Variants in DYNC1H1 observed in about 807,000 individuals in gnomAD.
DYNC1H1 encodes the protein cytoplasmic dynein 1 heavy chain 1.
A neutral mutation model predicts 527.1 loss-of-function variants in DYNC1H1; 51 were observed. The observed-to-expected ratio is 0.10, with a 90% CI of 0.08 to 0.12. The LOEUF is 0.12. Ranked by LOEUF, DYNC1H1 falls within the 10% of genes least tolerant of loss-of-function variation. The pLI, the probability that DYNC1H1 is intolerant of heterozygous loss-of-function variation, is 1.00. For synonymous variants in DYNC1H1, 2,189 were observed against 2,278.8 expected (o/e 0.96, Z 1.12); for missense variants, 2,771 against 5,971.8 (o/e 0.46, Z 17.66).
In DYNC1H1 at chr14:101,979,108, A is replaced by G. The variant is rs191775187; in HGVS notation, c.345-211A>G. 1.3e-5 allele frequency among the ~76,000 whole-genome samples: 2 copies of G among 152,216 alleles called. No individual in the cohort carries two copies. Among genetic ancestry groups the G allele is most frequent in the African/African-American group, 4.8e-5 (2 of 41,452 alleles). ...CCAATATTACGAATTCAACCCATGT[A>G]TGAGACAAGTTAACTTTGCCTGGTT... On this transcript the variant is annotated intron_variant, in intron 2 of 77. Coordinates refer to ENST00000360184, the MANE Select transcript of DYNC1H1 (RefSeq NM_001376.5). The surrounding 1 kb of genome is among the most constrained non-coding windows in gnomAD (Gnocchi z 4.6).
In DYNC1H1 at chr14:102,050,288, C is replaced by T. The variant is rs535209176; in HGVS notation, c.13812+90C>T. 36 of 1,611,736 alleles carry T rather than the reference C, an allele frequency of 2.2e-5. No homozygotes were observed. The South Asian group carries it at 3.6e-4, about 16-fold the overall frequency. ...GCTCCTCTTCTATGCCTGGGTTCCACTTGGAACGGGAAATGAGGTTCACAG... is the reference window on the plus strand; with the variant it reads ...GCTCCTCTTCTATGCCTGGGTTCCATTTGGAACGGGAAATGAGGTTCACAG... On this transcript the variant is annotated intron_variant, in intron 77 of 77. Coordinates refer to ENST00000360184, the MANE Select transcript of DYNC1H1 (RefSeq NM_001376.5).
chr14:102,039,830 C>G lies in DYNC1H1; in HGVS notation c.11690+98C>G. ...GCTTTTATTATTTCTTTTATTTTCT[C>G]TTTTATTTTCTTTATTTTATTTTTT... On this transcript the variant is annotated intron_variant, in intron 62 of 77. Coordinates refer to ENST00000360184, the MANE Select transcript of DYNC1H1 (RefSeq NM_001376.5). The surrounding 1 kb of genome is among the most constrained non-coding windows in gnomAD (Gnocchi z 7.0). The G allele has an allele frequency of 7.2e-7, 1 of 1,383,854 alleles. No individual in the cohort carries two copies. Among genetic ancestry groups the G allele is most frequent in the South Asian group, 1.3e-5 (1 of 79,988 alleles). The allele number at this position is 1,383,854 out of a possible 1,614,324, so 85.7% of individuals were successfully genotyped here. A position where few individuals can be genotyped will look rare whatever the true frequency, so the allele number is the denominator to read the frequency against.
rs1344837409 is a variant in DYNC1H1 at position 102,020,924 on chromosome 14, A to C, written c.8507+868A>C. On this transcript the variant is annotated intron_variant, in intron 42 of 77. Transcript: ENST00000360184. The surrounding 1 kb of genome is among the most constrained non-coding windows in gnomAD (Gnocchi z 4.3). Reference sequence around the variant, plus strand: ...GGCATTCTTGGGCAACACCGGGTACATTACTGACAGCCACTGTAAGAGATG... The same window carrying C: ...GGCATTCTTGGGCAACACCGGGTACCTTACTGACAGCCACTGTAAGAGATG... Among the ~76,000 whole-genome samples, 3 of 152,196 alleles carry C rather than the reference A, an allele frequency of 2.0e-5. No homozygotes were observed. Among genetic ancestry groups the C allele is most frequent in the Non-Finnish European group, 4.4e-5 (3 of 68,048 alleles).
Position 101,985,676 on chromosome 14 carries a change from T to C in DYNC1H1, c.1462-11T>C, listed in dbSNP as rs537652677. 3 of 1,614,044 alleles carry C rather than the reference T, an allele frequency of 1.9e-6. No individual in the cohort carries two copies. In the African/African-American group the frequency reaches 4.0e-5, roughly 22 times the overall value. On this transcript the variant is annotated splice_polypyrimidine_tract_variant and intron_variant, in intron 7 of 77. Transcript: ENST00000360184. This position sits in a 1 kb window ranked among gnomAD's most constrained non-coding sequence, Gnocchi z 5.9. The stretch of plus-strand genomic sequence containing the variant: ...GTCAGCATTTCTTGATTACATATCT[T>C]TCTCCTTTAGGTCACGGCAGTTGCA...
In DYNC1H1 at chr14:102,043,967, A is replaced by G. The variant is rs745717505; in HGVS notation, c.12606A>G (p.Ser4202=). 6.8e-6 allele frequency: 11 copies of G among 1,614,118 alleles called. No homozygotes were observed. The highest frequency in any genetic ancestry group is 1.6e-4 in the Middle Eastern group (1 of 6,082). ...ERLRYAPLGW[S]KKYEFGESDL... ...TACGATACGCACCACTGGGGTGGTC[A>G]AAGAAGTATGAATTTGGAGAGTCTG... is the stretch of plus-strand genomic sequence containing the variant. Residue 4202 remains serine, a synonymous_variant, in exon 70 of 78, where the codon TCA becomes TCG. Transcript: ENST00000360184.
At chr14:101,977,091 A>G (rs2047809616) in intron 2 of DYNC1H1, among the ~76,000 whole-genome samples, 1 of 152,178 alleles carries the variant, frequency 6.6e-6, no homozygotes, top group Non-Finnish European at 1.5e-5. Context: ...CTGATTTTTC[A>G]TTATTACAGA....
rs768250649 is a variant in DYNC1H1, at chr14:102,047,823, A to G, written c.13013A>G (p.Asp4338Gly). The G allele has an allele frequency of 1.2e-6, 2 of 1,612,768 alleles. No individual in the cohort carries two copies. Among genetic ancestry groups the G allele is most frequent in the Non-Finnish European group, 1.7e-6 (2 of 1,179,944 alleles). Residue 4338 changes from aspartate (D) to glycine (G), a missense_variant, in exon 73 of 78, where the codon GAC becomes GGC. Physicochemically the swap from Asp to Gly is moderately conservative, Grantham distance 94. This residue lies in a region of DYNC1H1 where 170 missense variants were observed against 249.8 expected (regional missense o/e 0.68). Transcript: ENST00000360184. ...ERVLLTTQGV[D>G]MISKMLKMQM... ...CTGTGGGACTGTGGCCCAGGTGTGG[A>G]CATGATCAGTAAAATGCTGAAGATG...
At position 101,987,598 on chromosome 14, in the gene DYNC1H1, A is replaced by G. The variant is rs1316843849; in HGVS notation, c.2684A>G (p.Asn895Ser). The G allele has an allele frequency of 4.3e-6, 7 of 1,614,138 alleles. No homozygotes were observed. Among genetic ancestry groups the G allele is most frequent in the Non-Finnish European group, 4.2e-6 (5 of 1,180,032 alleles). The change falls in exon 9 of 78, where the codon AAT (asparagine) becomes AGT (serine). Residue 895 changes from asparagine (N) to serine (S), a missense_variant. Asn to Ser is a conservative substitution (Grantham distance 46). This residue lies in a region of DYNC1H1 where 179 missense variants were observed against 349.4 expected (regional missense o/e 0.51). Transcript: ENST00000360184. ...VDDLNLHSYS[N>S]LPIWVNKLDM... ...GACTTAAATCTGCACTCCTATTCCAATTTGCCCATCTGGGTCAACAAGCTT... is the reference window on the plus strand; with the variant it reads ...GACTTAAATCTGCACTCCTATTCCAGTTTGCCCATCTGGGTCAACAAGCTT...
At chr14:102,025,565 GAA>G (rs3067914) in intron 43 of DYNC1H1, among the ~76,000 whole-genome samples, 1,307 of 102,328 alleles carry the variant, frequency 0.013, 17 homozygotes, top group East Asian at 0.049. Context: ...CTGTCTCAAG[GAA>G]AAAAAAAAAA....
At chr14:102,043,741 T>C in intron 69 of DYNC1H1, 134 bp from the exon 70 acceptor site, 1 of 1,197,910 alleles carries the variant, frequency 8.3e-7, no homozygotes, top group Non-Finnish European at 1.2e-6. Context: ...CTAGCAGCAG[T>C]ACTCATGTGA....
At chr14:102,046,800 T>G (rs1161257496) in intron 72 of DYNC1H1, among the ~76,000 whole-genome samples, 2 of 148,522 alleles carry the variant, frequency 1.3e-5, no homozygotes, top group Non-Finnish European at 3.0e-5. Context: ...CTGGTTCCGT[T>G]TTTTTTTTTT....
Position 102,001,315 on chromosome 14 carries a change from G to A in DYNC1H1, c.4356G>A (p.Val1452=). The A allele has an allele frequency of 6.2e-7, 1 of 1,614,208 alleles. No individual in the cohort carries two copies. The highest frequency in any genetic ancestry group is 8.5e-7 in the Non-Finnish European group (1 of 1,180,050). Residue 1452 remains valine (V), a synonymous_variant, in exon 20 of 78, where the codon GTG becomes GTA. Coordinates refer to ENST00000360184, the MANE Select transcript of DYNC1H1 (RefSeq NM_001376.5). This position sits in a 1 kb window ranked among gnomAD's most constrained non-coding sequence, Gnocchi z 5.0. ...CGATTGTCAAGGATGTACTGCTTGT[G>A]GCACAAGGGGAGATGGCTTTGGAAG... The part of the protein sequence containing the change: ...NEAIVKDVLL[V]AQGEMALEEF...
At position 102,041,120 on chromosome 14, in the gene DYNC1H1, G is replaced by A; in HGVS notation, c.11941+447G>A. ...TTAAAGACCACAAGAGAACTAGATGGGGAACTCCTGCCTAATGCTAAGGAG... is the reference window on the plus strand; with the variant it reads ...TTAAAGACCACAAGAGAACTAGATGAGGAACTCCTGCCTAATGCTAAGGAG... On this transcript the variant is annotated intron_variant, in intron 64 of 77. Transcript: ENST00000360184. This position sits in a 1 kb window ranked among gnomAD's most constrained non-coding sequence, Gnocchi z 4.5. 1 of 344,812 alleles carries A rather than the reference G, an allele frequency of 2.9e-6. No homozygotes were observed. The highest frequency in any genetic ancestry group is 5.6e-6 in the Non-Finnish European group (1 of 179,444). The allele number at this position is 344,812 out of a possible 1,614,324, so 21.4% of individuals were successfully genotyped here.
rs749148827 is a variant in DYNC1H1 at position 102,044,083 on chromosome 14, T to A, written c.12684+38T>A. 6.2e-7 allele frequency: 1 copy of A among 1,610,938 alleles called. No homozygotes were observed. The highest frequency in any genetic ancestry group is 8.5e-7 in the Non-Finnish European group (1 of 1,179,746). Reference sequence around the variant, plus strand: ...CATGCCAGGACAGACAGTGGACGTGTATCTGGGAAGGATGCTGCAGGGCGT... The same window carrying A: ...CATGCCAGGACAGACAGTGGACGTGAATCTGGGAAGGATGCTGCAGGGCGT... On this transcript the variant is annotated intron_variant, in intron 70 of 77. Coordinates refer to ENST00000360184, the MANE Select transcript of DYNC1H1 (RefSeq NM_001376.5). The surrounding 1 kb of genome is among the most constrained non-coding windows in gnomAD (Gnocchi z 7.1).
chr14:102,015,789 G>C lies in DYNC1H1; in HGVS notation c.7243-67G>C, dbSNP rs1333054959. ...GTCGTATGACCTTCTCCTGGGACCAGGTTAGAATCGATGAAACTCGCCTGC... is the reference window on the plus strand; with the variant it reads ...GTCGTATGACCTTCTCCTGGGACCACGTTAGAATCGATGAAACTCGCCTGC... On this transcript the variant is annotated intron_variant, in intron 35 of 77. Transcript: ENST00000360184. The surrounding 1 kb of genome is among the most constrained non-coding windows in gnomAD (Gnocchi z 6.9). The C allele has an allele frequency of 3.2e-6, 5 of 1,558,508 alleles. No individual in the cohort carries two copies. The highest frequency in any genetic ancestry group is 4.4e-6 in the Non-Finnish European group (5 of 1,140,216).
In DYNC1H1 at chr14:101,965,727, C is replaced by T. The variant is rs2047659899; in HGVS notation, c.256+780C>T. Among the ~76,000 whole-genome samples, 1 of 151,564 alleles carries T rather than the reference C, an allele frequency of 6.6e-6. No individual in the cohort carries two copies. Among genetic ancestry groups the T allele is most frequent in the South Asian group, 2.1e-4 (1 of 4,812 alleles). The stretch of plus-strand genomic sequence containing the variant: ...CAGTGTCTCAGCTCCCCATCCACTG[C>T]TTGTTTTCACTGATCATACCTCATA... On this transcript the variant is annotated intron_variant, in intron 1 of 77. Coordinates refer to ENST00000360184, the MANE Select transcript of DYNC1H1 (RefSeq NM_001376.5). This position sits in a 1 kb window ranked among gnomAD's most constrained non-coding sequence, Gnocchi z 4.1.
rs1036308530 is a variant in DYNC1H1, at chr14:102,001,912, C to T, written c.4542+231C>T. Among the ~76,000 whole-genome samples, 1 of 151,926 alleles carries T rather than the reference C, an allele frequency of 6.6e-6. No individual in the cohort carries two copies. Among genetic ancestry groups the T allele is most frequent in the African/African-American group, 2.4e-5 (1 of 41,360 alleles). ...ACCTCAGCCTCCAGGTAGCTGGGAC[C>T]ACAGGCACATGCCACCATGCTGGGC... On this transcript the variant is annotated intron_variant, in intron 21 of 77. Coordinates refer to ENST00000360184, the MANE Select transcript of DYNC1H1 (RefSeq NM_001376.5). This position sits in a 1 kb window ranked among gnomAD's most constrained non-coding sequence, Gnocchi z 5.0.
At chr14:101,994,578 C>T in intron 12 of DYNC1H1, 95 bp from the exon 13 acceptor site, 2 of 1,512,050 alleles carry the variant, frequency 1.3e-6, no homozygotes, top group Non-Finnish European at 1.8e-6. Context: ...TGGTGAAAGA[C>T]ATGAACCTTC....
At chr14:102,013,238 G>C (rs1446549231) in intron 34 of DYNC1H1, among the ~76,000 whole-genome samples, 3 of 105,524 alleles carry the variant, frequency 2.8e-5, no homozygotes, top group Admixed American at 1.5e-4. Flanking sequence ...GACAGAGAGA[G>C]ACTCCGTCTC....
Sources: allele counts gnomAD v4.1 joint callset (sites outside exome capture counted in the v4.1 genomes callset), GRCh38; gene constraint gnomAD v4.1.1; regional missense constraint gnomAD v4.1.1; non-coding constraint Gnocchi (gnomAD v3.1); transcripts MANE v1.5; gene names NCBI Gene and HGNC (gene_info 2026-07-23, HGNC 2026-07-21).